Variants in NXN observed in about 807,000 individuals in gnomAD.
The protein encoded by NXN is nucleoredoxin 1.
In NXN, 16 loss-of-function variants were observed where a neutral mutation model predicts 48.6. That is an observed-to-expected ratio of 0.33 (90% CI 0.22 to 0.50). The LOEUF (loss-of-function observed/expected upper bound fraction) is 0.50. NXN is among the 20% of genes least tolerant of loss of function. NXN has a pLI of 0.98. For missense variants in NXN, 492 were observed against 605.5 expected (o/e 0.81, Z 1.97); for synonymous variants, 281 against 269.6 (o/e 1.04, Z -0.41).
At position 810,162 on chromosome 17, in the gene NXN, G is replaced by A. The variant is rs1212904916; in HGVS notation, c.821-4915C>T. Among the ~76,000 whole-genome samples the A allele has an allele frequency of 3.2e-5, 3 of 93,882 alleles. 1 individual carries two copies. Among genetic ancestry groups the A allele is most frequent in the Admixed American group, 1.2e-4 (1 of 8,148 alleles). The allele number at this position is 93,882 out of a possible 152,430, so 61.6% of individuals were successfully genotyped here. A position where few individuals can be genotyped will look rare whatever the true frequency, so the allele number is the denominator to read the frequency against. The stretch of plus-strand genomic sequence containing the variant: ...TTACGAGTCTGTGACTGGCGTGCAC[G>A]TTACGAGTCTGTGACTGGCGTGCAT... On this transcript the variant is annotated intron_variant, in intron 5 of 7. Transcript: ENST00000336868.
At chr17:846,061 G>T in intron 1 of NXN, among the ~76,000 whole-genome samples, 1 of 150,976 alleles carries the variant, frequency 6.6e-6, no homozygotes. Context: ...CAGCCTGGGG[G>T]ACAGAGCGAG....
chr17:837,984 G>C (rs938393874), intron 1 of NXN, among the ~76,000 whole-genome samples: 3 of 152,174 alleles, frequency 2.0e-5, no homozygotes, highest in African/African-American at 2.4e-5. Context: ...AAGCCACCGA[G>C]CATGATATAT....
At chr17:805,020 T>TCCC in intron 6 of NXN, 48 bp downstream of exon 6, 1 of 1,512,878 alleles carries the variant, frequency 6.6e-7, no homozygotes, top group Non-Finnish European at 9.0e-7. Context: ...GCCCCTCCTG[T>TCCC]CCCGCCCCCC....
chr17:874,811 G>C (rs569445395), intron 1 of NXN, among the ~76,000 whole-genome samples: 2 of 152,340 alleles, frequency 1.3e-5, no homozygotes, highest in African/African-American at 4.8e-5. Context: ...CACAAGCCTG[G>C]ATCACAAAGG....
chr17:828,505 G>A (rs1424193209), intron 1 of NXN, among the ~76,000 whole-genome samples: 3 of 148,554 alleles, frequency 2.0e-5, no homozygotes, highest in Non-Finnish European at 4.4e-5. Context: ...GGGTTCAAGC[G>A]ATTCTCTTGC....
At chr17:896,852 T>G (rs900912664) in intron 1 of NXN, 1 of 1,193,182 alleles carries the variant, frequency 8.4e-7, no homozygotes, top group South Asian at 1.4e-5. Context: ...CACGCGGTCC[T>G]GACCACCCGC....
intron 1 of NXN, among the ~76,000 whole-genome samples, chr17:954,300 GA>G (rs2150621247): frequency 6.6e-6 from 1 of 152,246 alleles, no homozygotes. Flanking sequence ...AGAATCCCTT[GA>G]ATCTTGAAGG....
intron 1 of NXN, among the ~76,000 whole-genome samples, chr17:833,277 G>C (rs1050377255): frequency 2.6e-5 from 4 of 152,054 alleles, no homozygotes. Flanking sequence ...GCATCTGTGG[G>C]CGCCTCAGGC....
At chr17:974,223 C>T (rs1045745683) in intron 1 of NXN, among the ~76,000 whole-genome samples, 9 of 151,686 alleles carry the variant, frequency 5.9e-5, no homozygotes, top group African/African-American at 1.5e-4. Context: ...TGGTGGTGGG[C>T]GCCTGTAGTC....
intron 1 of NXN, among the ~76,000 whole-genome samples, chr17:864,527 G>A (rs1328072002): frequency 1.3e-5 from 2 of 152,228 alleles, no homozygotes; most frequent in African/African-American, 2.4e-5. Flanking sequence ...TGCCCTGGGA[G>A]TACAGGCTGT....
intron 5 of NXN, among the ~76,000 whole-genome samples, chr17:817,098 A>G (rs182197686): frequency 5.9e-5 from 9 of 152,108 alleles, no homozygotes; most frequent in Non-Finnish European, 7.4e-5. Context: ...ACACACCCCA[A>G]ATTCCCCTAG....
At chr17:832,861 G>A (rs56325271) in intron 1 of NXN, among the ~76,000 whole-genome samples, 56,426 of 151,638 alleles carry the variant, frequency 0.37, 11,286 homozygotes, top group African/African-American at 0.53. Flanking sequence ...GGTTAGTGGG[G>A]AAAAAATTTC....
chr17:848,262 T>G (rs1205632483), intron 1 of NXN, among the ~76,000 whole-genome samples: 1 of 152,074 alleles, frequency 6.6e-6, no homozygotes, highest in Non-Finnish European at 1.5e-5. Context: ...CTCAGCCTCC[T>G]GAGTATCTGG....
intron 3 of NXN, among the ~76,000 whole-genome samples, 195 bp from the exon 4 acceptor site, chr17:822,652 T>C (rs1912880452): frequency 6.6e-6 from 1 of 151,896 alleles, no homozygotes; most frequent in Admixed American, 6.6e-5. Flanking sequence ...AGCCCAGGAG[T>C]TTGAGGCCAG....
At chr17:889,749 AAG>A (rs879442278) in intron 1 of NXN, among the ~76,000 whole-genome samples, 2,914 of 29,052 alleles carry the variant, frequency 0.1, 50 homozygotes, top group African/African-American at 0.2. Context: ...GAAAGAAAGA[AAG>A]AAAGAAAGAA....
At chr17:884,749 C>A (rs1396085170) in intron 1 of NXN, among the ~76,000 whole-genome samples, 1 of 152,202 alleles carries the variant, frequency 6.6e-6, no homozygotes, top group Non-Finnish European at 1.5e-5. Context: ...AAGGGATGGA[C>A]GGTCCCTCGG....
At chr17:874,260 A>G (rs555739) in intron 1 of NXN, among the ~76,000 whole-genome samples, 86,484 of 151,990 alleles carry the variant, frequency 0.57, 26,895 homozygotes, top group African/African-American at 0.84. Context: ...CAGCCCTGTG[A>G]AACTGTGAGT....
intron 1 of NXN, among the ~76,000 whole-genome samples, chr17:952,003 A>G (rs977083634): frequency 2.6e-5 from 4 of 152,198 alleles, no homozygotes; most frequent in Admixed American, 2.6e-4. Flanking sequence ...CTCCACGGTC[A>G]GCCATCCATC....
chr17:841,544 C>T lies in NXN; in HGVS notation c.361-15466G>A, dbSNP rs367878366. 1.4e-3 allele frequency among the ~76,000 whole-genome samples: 92 copies of T among 64,540 alleles called. 7 individuals carry two copies. Among genetic ancestry groups the T allele is most frequent in the Middle Eastern group, 0.027 (2 of 74 alleles). 42.3% of individuals were successfully genotyped at this position (64,540 alleles called of 152,430 possible). A position where few individuals can be genotyped will look rare whatever the true frequency, so the allele number is the denominator to read the frequency against. The stretch of plus-strand genomic sequence containing the variant: ...GTCCCCCCGACCATGGAGCATCTCA[C>T]GCCGGCGAGCAGGTCCCCCCTGACC... On this transcript the variant is annotated intron_variant, in intron 1 of 7. Coordinates refer to ENST00000336868, the MANE Select transcript of NXN (RefSeq NM_022463.5).
Sources: allele counts gnomAD v4.1 joint callset (sites outside exome capture counted in the v4.1 genomes callset), GRCh38; gene constraint gnomAD v4.1.1; transcripts MANE v1.5; gene names NCBI Gene and HGNC (gene_info 2026-07-23, HGNC 2026-07-21).